The following RGS7 variants were observed in gnomAD, a reference collection of about 807,000 sequenced individuals.
RGS7 encodes the protein regulator of G protein signaling 7.
A neutral mutation model predicts 81.1 loss-of-function variants in RGS7; 27 were observed. The observed-to-expected ratio is 0.33, with a 90% CI of 0.25 to 0.46. RGS7 has a LOEUF of 0.46. RGS7 is among the 20% of genes least tolerant of loss of function. RGS7 has a pLI of 1.00. For synonymous variants in RGS7, 208 were observed against 207.7 expected, an observed-to-expected ratio of 1.00 and a Z score of -0.01; for missense variants, 396 against 607.4, an observed-to-expected ratio of 0.65 and a Z score of 3.66.
intron 2 of RGS7, among the ~76,000 whole-genome samples, chr1:241,101,419 C>A (rs1005064099): frequency 9.2e-5 from 14 of 152,050 alleles, no homozygotes; most frequent in Non-Finnish European, 1.9e-4. Flanking sequence ...TCACCTGAAC[C>A]CCAGAGGCAG....
At chr1:241,306,790 CAT>C (rs1385909959) in intron 2 of RGS7, among the ~76,000 whole-genome samples, 1 of 152,140 alleles carries the variant, frequency 6.6e-6, no homozygotes, top group Non-Finnish European at 1.5e-5. Context: ...CATCCTCACA[CAT>C]GAACACACCC....
chr1:241,259,667 A>AAAAAAAAAT lies in RGS7; in HGVS notation c.78+96031_78+96032insATTTTTTTT. Among the ~76,000 whole-genome samples, 17 of 49,140 alleles carry AAAAAAAAAT rather than the reference A, an allele frequency of 3.5e-4. 1 individual carries two copies. The highest frequency in any genetic ancestry group is 4.4e-4 in the Non-Finnish European group (12 of 27,564). 32.2% of individuals were successfully genotyped at this position (49,140 alleles called of 152,430 possible). A position where few individuals can be genotyped will look rare whatever the true frequency, so the allele number is the denominator to read the frequency against. On this transcript the variant is annotated intron_variant, in intron 2 of 18. Coordinates refer to ENST00000440928, the MANE Select transcript of RGS7 (RefSeq NM_001364886.1). ...CTCCGTCTCAAAAAAAAAAAAAAAA[A>AAAAAAAAAT]ATATATATATATATATATAATTAAA...
At chr1:241,080,335 G>A (rs1325105822) in intron 3 of RGS7, among the ~76,000 whole-genome samples, 1 of 150,980 alleles carries the variant, frequency 6.6e-6, no homozygotes, top group Non-Finnish European at 1.5e-5. Flanking sequence ...AAGGTACCTT[G>A]AGAATGTAGA....
At chr1:241,174,925 C>T (rs1457326225) in intron 2 of RGS7, among the ~76,000 whole-genome samples, 20 of 97,376 alleles carry the variant, frequency 2.1e-4, no homozygotes, top group Admixed American at 6.4e-4. Context: ...TTTTTTGAGA[C>T]GGAGTCCCGA....
At chr1:240,996,038 A>G (rs6657011) in intron 3 of RGS7, among the ~76,000 whole-genome samples, 71,931 of 151,528 alleles carry the variant, frequency 0.47, 17,397 homozygotes, top group African/African-American at 0.57. Flanking sequence ...TATTTTCCAG[A>G]AGATCCTTCA....
rs192937946 is a variant in RGS7, at chr1:241,339,068, C to T, written c.78+16631G>A. On this transcript the variant is annotated intron_variant, in intron 2 of 18. Transcript: ENST00000440928. Reference sequence around the variant, plus strand: ...CCCCCAACCCCAACAGGCCCCAGTGCGTGTCGTTCCCCTCCCTGTGTCCAT... The same window carrying T: ...CCCCCAACCCCAACAGGCCCCAGTGTGTGTCGTTCCCCTCCCTGTGTCCAT... 2.8e-4 allele frequency among the ~76,000 whole-genome samples: 43 copies of T among 152,174 alleles called. No homozygotes were observed. In the East Asian group the frequency reaches 3.5e-3, roughly 12 times the overall value.
At chr1:241,162,049 A>T (rs566513204) in intron 2 of RGS7, among the ~76,000 whole-genome samples, 1 of 152,276 alleles carries the variant, frequency 6.6e-6, no homozygotes, top group Non-Finnish European at 1.5e-5. Flanking sequence ...GTAGCTAGGC[A>T]GACGTGAGCA....
At chr1:240,986,216 G>A (rs574575821) in intron 3 of RGS7, among the ~76,000 whole-genome samples, 74 of 152,090 alleles carry the variant, frequency 4.9e-4, no homozygotes, top group African/African-American at 1.7e-3. Flanking sequence ...TATTACTGTC[G>A]AATCCTAGCA....
intron 2 of RGS7, among the ~76,000 whole-genome samples, chr1:241,123,876 G>A (rs938653991): frequency 1.3e-4 from 20 of 152,176 alleles, no homozygotes; most frequent in Admixed American, 9.8e-4. Context: ...GGGTATCCCC[G>A]CCATGCTGTC....
At chr1:240,909,380 T>C (rs1421479587) in intron 6 of RGS7, among the ~76,000 whole-genome samples, 1 of 152,326 alleles carries the variant, frequency 6.6e-6, no homozygotes, top group East Asian at 1.9e-4. Flanking sequence ...GAAACAAATA[T>C]GTCTGTTTTC....
intron 2 of RGS7, among the ~76,000 whole-genome samples, chr1:241,240,292 T>C (rs775552632): frequency 2.0e-5 from 3 of 152,188 alleles, no homozygotes; most frequent in Non-Finnish European, 4.4e-5. Flanking sequence ...TTGTTCTTAA[T>C]AACTCAGTGG....
intron 18 of RGS7, among the ~76,000 whole-genome samples, chr1:240,797,971 G>T (rs981694980): frequency 6.6e-6 from 1 of 152,256 alleles, no homozygotes; most frequent in South Asian, 2.1e-4. Context: ...TTAATGAAAA[G>T]AATAAGAATA....
intron 3 of RGS7, among the ~76,000 whole-genome samples, chr1:241,069,717 A>G (rs2062313691): frequency 6.6e-6 from 1 of 152,188 alleles, no homozygotes; most frequent in Admixed American, 6.5e-5. Flanking sequence ...GCACACCCCT[A>G]GTCCTTCACT....
At chr1:241,223,373 G>C (rs1279816272) in intron 2 of RGS7, among the ~76,000 whole-genome samples, 3 of 152,162 alleles carry the variant, frequency 2.0e-5, no homozygotes, top group Non-Finnish European at 2.9e-5. Flanking sequence ...TAAAGAAAAT[G>C]TCCTGATCAA....
intron 2 of RGS7, among the ~76,000 whole-genome samples, chr1:241,281,742 GCTTA>G (rs2078523037): frequency 6.6e-6 from 1 of 152,012 alleles, no homozygotes. Flanking sequence ...CTTTTCTCTA[GCTTA>G]CTTTATCATA....
At chr1:241,307,307 T>C (rs1486547038) in intron 2 of RGS7, among the ~76,000 whole-genome samples, 1 of 152,178 alleles carries the variant, frequency 6.6e-6, no homozygotes, top group Non-Finnish European at 1.5e-5. Context: ...CGCCTATTAA[T>C]AGTTCCACAA....
At chr1:240,983,030 T>TA in intron 4 of RGS7, 49 bp downstream of exon 4, 1 of 1,094,464 alleles carries the variant, frequency 9.1e-7, no homozygotes, top group Non-Finnish European at 1.4e-6. Context: ...ACATATTTCT[T>TA]AAAACCACTA....
intron 9 of RGS7, among the ~76,000 whole-genome samples, chr1:240,834,949 C>T (rs187681207): frequency 0.014 from 2,139 of 150,940 alleles, 40 homozygotes; most frequent in African/African-American, 0.049. Flanking sequence ...CACACACACA[C>T]ACACACAAAC....
At chr1:240,794,274 T>C (rs758170265) in intron 18 of RGS7, among the ~76,000 whole-genome samples, 7 of 152,078 alleles carry the variant, frequency 4.6e-5, no homozygotes, top group South Asian at 2.1e-4. Context: ...GTGGTAGAGA[T>C]TGATATCAAG....
Sources: gnomAD v4.1 joint callset for allele counts (sites outside exome capture counted in the v4.1 genomes callset) on GRCh38, gnomAD v4.1.1 for gene constraint, MANE v1.5 for transcripts, NCBI Gene and HGNC (gene_info 2026-07-23, HGNC 2026-07-21) for gene names.